PLCB1: variants seen among roughly 807,000 people sequenced by gnomAD.
PLCB1 encodes the protein 1-phosphatidylinositol 4,5-bisphosphate phosphodiesterase beta-1.
A neutral mutation model predicts 161.8 loss-of-function variants in PLCB1; 46 were observed. That is an observed-to-expected ratio of 0.28 (90% CI 0.22 to 0.36). The LOEUF (loss-of-function observed/expected upper bound fraction) is 0.36, where lower values mean the gene tolerates loss of function less well. PLCB1 is among the 10% of genes least tolerant of loss of function. The pLI, the probability that PLCB1 is intolerant of heterozygous loss-of-function variation, is 1.00. For missense variants in PLCB1, 1,016 were observed against 1,472.5 expected, an observed-to-expected ratio of 0.69 and a Z score of 5.07; for synonymous variants, 517 against 503.7, an observed-to-expected ratio of 1.03 and a Z score of -0.35.
chr20:8,525,160 A>G (rs879305590), intron 3 of PLCB1, among the ~76,000 whole-genome samples: 7 of 19,788 alleles, frequency 3.5e-4, no homozygotes, highest in Non-Finnish European at 6.9e-4. Context: ...AGAAGGGGGA[A>G]AAAAAAAGTA....
chr20:8,246,446 T>C (rs1444714494), intron 2 of PLCB1, among the ~76,000 whole-genome samples: 1 of 151,952 alleles, frequency 6.6e-6, no homozygotes, highest in Non-Finnish European at 1.5e-5. Flanking sequence ...CAAGAGAGAA[T>C]GTAGAAACAT....
intron 3 of PLCB1, among the ~76,000 whole-genome samples, chr20:8,605,539 C>T (rs1310387670): frequency 1.3e-5 from 2 of 149,952 alleles, no homozygotes; most frequent in Non-Finnish European, 1.5e-5. Context: ...ACCTCTTTGT[C>T]AAATTGTTCT....
chr20:8,760,268 T>A (rs1468681941), intron 24 of PLCB1, 139 bp from the exon 25 acceptor site: 1 of 583,180 alleles, frequency 1.7e-6, no homozygotes, highest in African/African-American at 1.9e-5. Context: ...GAATAATTTT[T>A]ATAAAGAATT....
intron 3 of PLCB1, among the ~76,000 whole-genome samples, chr20:8,584,229 A>G (rs138575565): frequency 4.2e-4 from 64 of 152,234 alleles, no homozygotes; most frequent in Middle Eastern, 3.4e-3. Flanking sequence ...TCAAAATGTA[A>G]AGAAACAGCC....
chr20:8,436,726 G>C (rs533107127), intron 3 of PLCB1, among the ~76,000 whole-genome samples: 1 of 152,226 alleles, frequency 6.6e-6, no homozygotes, highest in African/African-American at 2.4e-5. Context: ...GCTTTCATTA[G>C]ACCAACATAG....
intron 2 of PLCB1, among the ~76,000 whole-genome samples, chr20:8,324,360 A>C (rs2662999): frequency 0.26 from 39,995 of 152,056 alleles, 5,455 homozygotes; most frequent in South Asian, 0.44. Context: ...TTCCCAACAA[A>C]CTTCTAAATC....
chr20:8,586,224 G>A (rs1986985652), intron 3 of PLCB1, among the ~76,000 whole-genome samples: 1 of 152,162 alleles, frequency 6.6e-6, no homozygotes, highest in African/African-American at 2.4e-5. Flanking sequence ...TATCCCATTA[G>A]CATTTTATTT....
intron 31 of PLCB1, chr20:8,801,982 A>G (rs1984302670): frequency 1.1e-6 from 1 of 910,806 alleles, no homozygotes; most frequent in African/African-American, 1.6e-5. Flanking sequence ...CAGACAAATA[A>G]TTGGAAACAC....
intron 31 of PLCB1, among the ~76,000 whole-genome samples, chr20:8,881,406 T>C (rs1177612796): frequency 1.3e-5 from 2 of 152,014 alleles, no homozygotes; most frequent in African/African-American, 4.8e-5. Flanking sequence ...TTTAGCCTTA[T>C]TGTGCCACAC....
At chr20:8,369,351 C>G (rs1440896604) in intron 2 of PLCB1, among the ~76,000 whole-genome samples, 1 of 152,188 alleles carries the variant, frequency 6.6e-6, no homozygotes, top group Non-Finnish European at 1.5e-5. Flanking sequence ...CACTTATTTC[C>G]CATCTTCTAG....
chr20:8,446,149 A>G (rs1047528900), intron 3 of PLCB1, among the ~76,000 whole-genome samples: 8 of 152,312 alleles, frequency 5.3e-5, no homozygotes, highest in Non-Finnish European at 8.8e-5. Context: ...CATCGATGCA[A>G]AAATCCTCAA....
chr20:8,577,951 G>A (rs1327848026), intron 3 of PLCB1, among the ~76,000 whole-genome samples: 1 of 152,144 alleles, frequency 6.6e-6, no homozygotes, highest in Non-Finnish European at 1.5e-5. Context: ...CTCCACCTTT[G>A]TAAACAAGCC....
intron 31 of PLCB1, among the ~76,000 whole-genome samples, chr20:8,879,901 C>A (rs1053475295): frequency 1.3e-5 from 2 of 152,128 alleles, no homozygotes; most frequent in African/African-American, 2.4e-5. Context: ...CAGCCAGGAT[C>A]AAGACAAAAA....
At chr20:8,551,003 A>G (rs528821386) in intron 3 of PLCB1, among the ~76,000 whole-genome samples, 1 of 152,330 alleles carries the variant, frequency 6.6e-6, no homozygotes, top group Admixed American at 6.5e-5. Context: ...TGTATCCAAT[A>G]ATGTCTGGGC....
intron 3 of PLCB1, among the ~76,000 whole-genome samples, chr20:8,470,167 C>T (rs1008011608): frequency 1.4e-4 from 21 of 152,144 alleles, no homozygotes; most frequent in Non-Finnish European, 2.9e-4. Context: ...TTTATCTACC[C>T]ATTCATCAGT....
chr20:8,166,856 T>C (rs73080231), intron 2 of PLCB1, among the ~76,000 whole-genome samples: 12,567 of 152,202 alleles, frequency 0.083, 561 homozygotes, highest in Middle Eastern at 0.16. Context: ...TTCCTCTGCT[T>C]GGAACACATG....
chr20:8,535,705 C>A (rs1380973912), intron 3 of PLCB1, among the ~76,000 whole-genome samples: 1 of 152,082 alleles, frequency 6.6e-6, no homozygotes, highest in East Asian at 1.9e-4. Context: ...ACTGACTCAA[C>A]AGAAGAATGT....
intron 3 of PLCB1, among the ~76,000 whole-genome samples, chr20:8,501,800 A>G (rs73896898): frequency 0.029 from 4,389 of 149,498 alleles, 236 homozygotes; most frequent in African/African-American, 0.1. Flanking sequence ...CTTCTTTTTA[A>G]AAGTGCAGGA....
intron 3 of PLCB1, among the ~76,000 whole-genome samples, chr20:8,391,542 A>G (rs755063340): frequency 1.6e-4 from 24 of 152,032 alleles, no homozygotes; most frequent in Non-Finnish European, 2.6e-4. Flanking sequence ...AGAGACCCAG[A>G]TTCAAACTCC....
Sources: allele counts gnomAD v4.1 joint callset (sites outside exome capture counted in the v4.1 genomes callset), GRCh38; gene constraint gnomAD v4.1.1; transcripts MANE v1.5; gene names NCBI Gene and HGNC (gene_info 2026-07-23, HGNC 2026-07-21).